The following CDH23 variants were observed in gnomAD, a reference collection of about 807,000 sequenced individuals.
The protein encoded by CDH23 is cadherin-23.
In CDH23, 189 loss-of-function variants were observed where a neutral mutation model predicts 317.1. That is an observed-to-expected ratio of 0.60 (90% confidence interval 0.53 to 0.67). The LOEUF (loss-of-function observed/expected upper bound fraction) is 0.67, where lower values mean the gene tolerates loss of function less well. Among genes scored for constraint, CDH23 ranks in the 30% least tolerant of loss-of-function variants. CDH23 has a pLI of 0.00. For missense variants in CDH23, 4,401 were observed against 4,592.4 expected, an observed-to-expected ratio of 0.96 and a Z score of 1.20; for synonymous variants, 1,839 against 1,876.8, an observed-to-expected ratio of 0.98 and a Z score of 0.52.
chr10:71,799,739 C>A, intron 52 of CDH23, 110 bp downstream of exon 52: 2 of 1,425,624 alleles, frequency 1.4e-6, no homozygotes, highest in Non-Finnish European at 1.9e-6. Flanking sequence ...GTCGCCTGGA[C>A]ATCTGCATCC....
chr10:71,688,650 A>G (rs144369588), intron 19 of CDH23, among the ~76,000 whole-genome samples: 1,157 of 11,758 alleles, frequency 0.098, no homozygotes, highest in Admixed American at 0.12. Context: ...GTCAGGGATG[A>G]TGGAGCCAGG....
intron 38 of CDH23, among the ~76,000 whole-genome samples, chr10:71,775,387 C>T (rs1366740012): frequency 1.4e-5 from 2 of 144,272 alleles, no homozygotes; most frequent in Non-Finnish European, 3.1e-5. Flanking sequence ...GGAGCAATTG[C>T]CCTGCCAACC....
intron 12 of CDH23, among the ~76,000 whole-genome samples, chr10:71,644,465 C>T (rs1862731472): frequency 6.6e-6 from 1 of 152,266 alleles, no homozygotes; most frequent in Admixed American, 6.5e-5. Context: ...GGGGCAGCCC[C>T]AGGGGCCCAT....
rs376380680 is a variant in CDH23 at position 71,707,069 on chromosome 10, C to T, written c.3106+20C>T. On this transcript the variant is annotated intron_variant, in intron 26 of 69. Transcript: ENST00000224721. ...TCACAGGTGCTGCCCCGGCCTCCGC[C>T]CACCTGTGCAGGCCTCCTGGGGCCC... 3.1e-6 allele frequency: 5 copies of T among 1,591,870 alleles called. No homozygotes were observed. The African/African-American group carries it at 6.7e-5, about 21-fold the overall frequency.
In CDH23 at chr10:71,652,262, C is replaced by T. The variant is rs115438832; in HGVS notation, c.1449+5645C>T. On this transcript the variant is annotated intron_variant, in intron 14 of 69. Coordinates refer to ENST00000224721, the MANE Select transcript of CDH23 (RefSeq NM_022124.6). Reference sequence around the variant, plus strand: ...CCCTGCCCCCTCTTCCCAGCCTGTCCTTGGGAGGCTGGCAGCATCTTGGGC... The same window carrying T: ...CCCTGCCCCCTCTTCCCAGCCTGTCTTTGGGAGGCTGGCAGCATCTTGGGC... 5.1e-3 allele frequency among the ~76,000 whole-genome samples: 779 copies of T among 152,334 alleles called. 7 individuals carry two copies. Among genetic ancestry groups the T allele is most frequent in the African/African-American group, 0.018 (750 of 41,580 alleles).
At chr10:71,643,339 A>T (rs1862657075) in intron 11 of CDH23, among the ~76,000 whole-genome samples, 1 of 151,974 alleles carries the variant, frequency 6.6e-6, no homozygotes, top group Non-Finnish European at 1.5e-5. Flanking sequence ...TTCCCCTTAC[A>T]CTTTTTAACT....
chr10:71,796,858 C>A, intron 48 of CDH23: 1 of 410,858 alleles, frequency 2.4e-6, no homozygotes, highest in Admixed American at 3.6e-5. Context: ...AATGTGGACA[C>A]AGAGGTGCAG....
chr10:71,646,412 G>A, intron 13 of CDH23, 47 bp from the exon 14 acceptor site: 4 of 1,602,828 alleles, frequency 2.5e-6, no homozygotes, highest in Non-Finnish European at 3.4e-6. Context: ...AGGACTCTGG[G>A]AGGGGACATG....
intron 11 of CDH23, among the ~76,000 whole-genome samples, chr10:71,643,439 C>T (rs1189280757): frequency 2.0e-5 from 3 of 152,130 alleles, no homozygotes; most frequent in African/African-American, 7.2e-5. Flanking sequence ...GGGGTTGTTT[C>T]CTGCAGGGAT....
At chr10:71,532,555 G>C (rs1855436659) in intron 6 of CDH23, among the ~76,000 whole-genome samples, 1 of 152,248 alleles carries the variant, frequency 6.6e-6, no homozygotes, top group African/African-American at 2.4e-5. Context: ...CCCTCCCAGA[G>C]GGGCCCTCTC....
intron 6 of CDH23, among the ~76,000 whole-genome samples, chr10:71,543,341 G>A (rs773996813): frequency 9.9e-5 from 15 of 152,226 alleles, no homozygotes; most frequent in Non-Finnish European, 2.2e-4. Context: ...AAACCTTGCT[G>A]TAGTAGACCT....
chr10:71,684,700 G>A (rs907181147), intron 18 of CDH23, among the ~76,000 whole-genome samples: 2 of 152,194 alleles, frequency 1.3e-5, no homozygotes, highest in African/African-American at 2.4e-5. Flanking sequence ...AGCAGCAGCC[G>A]CACCCATGCC....
At chr10:71,501,357 C>T (rs1304625767) in intron 3 of CDH23, among the ~76,000 whole-genome samples, 2 of 152,172 alleles carry the variant, frequency 1.3e-5, no homozygotes, top group African/African-American at 4.8e-5. Flanking sequence ...TCCAAGTGGA[C>T]GGAGTTGCAG....
At chr10:71,689,635 A>G (rs918404739) in intron 19 of CDH23, among the ~76,000 whole-genome samples, 6 of 152,212 alleles carry the variant, frequency 3.9e-5, no homozygotes, top group African/African-American at 1.2e-4. Context: ...CCTGCAGCCC[A>G]GTGGAGCTCC....
intron 6 of CDH23, among the ~76,000 whole-genome samples, chr10:71,517,688 A>G (rs1428113317): frequency 6.6e-6 from 1 of 152,108 alleles, no homozygotes; most frequent in Non-Finnish European, 1.5e-5. Context: ...ATTAATTTAT[A>G]CCTTGGGGCC....
intron 38 of CDH23, among the ~76,000 whole-genome samples, chr10:71,758,308 TC>T (rs1840201904): frequency 6.6e-6 from 1 of 152,184 alleles, no homozygotes; most frequent in Non-Finnish European, 1.5e-5. Context: ...CTCGTGCATG[TC>T]CTCCTGGATG....
At chr10:71,562,222 G>A (rs1479857173) in intron 6 of CDH23, among the ~76,000 whole-genome samples, 7 of 151,670 alleles carry the variant, frequency 4.6e-5, no homozygotes, top group Admixed American at 6.6e-5. Flanking sequence ...TGGCCCTGCC[G>A]AGCATCTCTC....
chr10:71,431,488 T>C (rs914059081), intron 1 of CDH23, among the ~76,000 whole-genome samples: 3 of 152,212 alleles, frequency 2.0e-5, no homozygotes, highest in African/African-American at 7.2e-5. Flanking sequence ...GGCTTGGCCA[T>C]TAGCAGCCCT....
intron 1 of CDH23, among the ~76,000 whole-genome samples, chr10:71,439,455 T>A (rs75593777): frequency 0.018 from 2,699 of 152,222 alleles, 86 homozygotes; most frequent in African/African-American, 0.061. Context: ...TCTTGGGGGA[T>A]GTGGTCCTGG....
Sources: allele counts gnomAD v4.1 joint callset (sites outside exome capture counted in the v4.1 genomes callset), GRCh38; gene constraint gnomAD v4.1.1; transcripts MANE v1.5; gene names NCBI Gene and HGNC (gene_info 2026-07-23, HGNC 2026-07-21).